The following ATP10D variants were observed in gnomAD, a reference collection of about 807,000 sequenced individuals.
ATP10D encodes the protein ATPase phospholipid transporting 10D (putative).
A neutral mutation model predicts 144.8 loss-of-function variants in ATP10D; 89 were observed. The observed-to-expected ratio is 0.61, with a 90% CI of 0.52 to 0.73. ATP10D has a LOEUF of 0.73. Among genes scored for constraint, ATP10D ranks in the 30% least tolerant of loss-of-function variants. The pLI is 0.00. For synonymous variants in ATP10D, 571 were observed against 615.1 expected, an observed-to-expected ratio of 0.93 and a Z score of 1.06; for missense variants, 1,603 against 1,714.8, an observed-to-expected ratio of 0.93 and a Z score of 1.15.
intron 22 of ATP10D, among the ~76,000 whole-genome samples, chr4:47,588,189 T>C (rs1020529848): frequency 1.3e-5 from 2 of 152,186 alleles, no homozygotes; most frequent in Admixed American, 6.5e-5. Flanking sequence ...ATCTGATTTA[T>C]AGTATTGTAT....
At position 47,569,043 on chromosome 4, in the gene ATP10D, A is replaced by G; in HGVS notation, c.3060A>G (p.Thr1020=). The change falls in exon 16 of 23, where the codon ACA becomes ACG. Residue 1020 remains threonine, a synonymous_variant. Transcript: ENST00000273859. ...TGCAAAAGCAGTTCCTGGAACTGAC[A>G]TCTTGGTGTCAAGCTGTGGTCTGCT... ...ESLQKQFLEL[T]SWCQAVVCCR... is the part of the protein sequence containing the mutation. 1 of 1,614,224 alleles carries G rather than the reference A, an allele frequency of 6.2e-7. No homozygotes were observed. The highest frequency in any genetic ancestry group is 8.5e-7 in the Non-Finnish European group (1 of 1,180,028).
rs765924864 is a variant in ATP10D at position 47,559,007 on chromosome 4, G to A, written c.2519G>A (p.Arg840His). 2.1e-5 allele frequency: 34 copies of A among 1,613,978 alleles called. No homozygotes were observed. Among genetic ancestry groups the A allele is most frequent in the Middle Eastern group, 3.3e-4 (2 of 6,054 alleles). The change falls in exon 13 of 23, where the codon CGT (arginine) becomes CAT (histidine). Residue 840 changes from arginine (R) to histidine (H), a missense_variant. Arg to His is a conservative substitution (Grantham distance 29). Transcript: ENST00000273859. Reference protein sequence around the residue: ...HLDDYAKQGLRTLCIAKKVMS... With the variant: ...HLDDYAKQGLHTLCIAKKVMS... The stretch of plus-strand genomic sequence containing the variant: ...GATGACTATGCCAAACAAGGCCTTC[G>A]TACTTTATGTATAGCAAAGAAGGTG...
intron 3 of ATP10D, among the ~76,000 whole-genome samples, chr4:47,518,521 A>G (rs1716795517): frequency 6.6e-6 from 1 of 152,034 alleles, no homozygotes; most frequent in South Asian, 2.1e-4. Context: ...TGAGAGACTT[A>G]GAGGATTTAA....
chr4:47,512,458 G>T, intron 1 of ATP10D, 46 bp from the exon 2 acceptor site: 2 of 1,253,918 alleles, frequency 1.6e-6, no homozygotes, highest in Non-Finnish European at 1.1e-6. Flanking sequence ...CTATCTTTGA[G>T]ACGTTTCAGA....
chr4:47,554,629 C>A, intron 10 of ATP10D, 97 bp from the exon 11 acceptor site: 1 of 946,488 alleles, frequency 1.1e-6, no homozygotes, highest in Non-Finnish European at 1.5e-6. Context: ...TCTCATGATT[C>A]ATTTAGATCC....
At position 47,557,682 on chromosome 4, in the gene ATP10D, G is replaced by A. The variant is rs374331628; in HGVS notation, c.1843G>A (p.Gly615Arg). Reference protein sequence around the residue: ...PRQKIRHPSLGGLPIKSLEEI... With the variant: ...PRQKIRHPSLRGLPIKSLEEI... ...TTCATAGATCAGACACCCTTCACTG[G>A]GGGGGTTGCCCATTAAGTCTTTGGA... is the stretch of plus-strand genomic sequence containing the variant. The change falls in exon 12 of 23, where the codon GGG becomes AGG. Residue 615 changes from glycine (G) to arginine (R), a missense_variant. By Grantham distance (125) the Gly-to-Arg change is moderately radical. Transcript: ENST00000273859. 5.6e-6 allele frequency: 9 copies of A among 1,609,616 alleles called. No homozygotes were observed. In the African/African-American group the frequency reaches 8.0e-5, roughly 14 times the overall value.
At chr4:47,580,618 C>G in intron 20 of ATP10D, 140 bp downstream of exon 20, 1 of 741,878 alleles carries the variant, frequency 1.3e-6, no homozygotes, top group Non-Finnish European at 2.3e-6. Flanking sequence ...TTATAATCTC[C>G]CCAAAAATAT....
At chr4:47,579,528 G>T (rs1236680396) in intron 19 of ATP10D, among the ~76,000 whole-genome samples, 2 of 152,296 alleles carry the variant, frequency 1.3e-5, no homozygotes, top group Admixed American at 1.3e-4. Context: ...TGATATTTGA[G>T]CTAGGATACA....
In ATP10D at chr4:47,554,883, T is replaced by A; in HGVS notation, c.1793T>A (p.Val598Glu). 1 of 1,614,150 alleles carries A rather than the reference T, an allele frequency of 6.2e-7. No homozygotes were observed. ...FIALAICNTVVVSAPNQPRQK... is the reference protein window; with the variant it reads ...FIALAICNTVEVSAPNQPRQK... ...GCATTGGCAATTTGCAACACAGTAG[T>A]GGTTTCTGCTCCTAACCAACCCCGA... Residue 598 changes from valine to glutamate, a missense_variant, in exon 11 of 23, where the codon GTG (valine) becomes GAG (glutamate). By Grantham distance (121) the Val-to-Glu change is moderately radical. Coordinates refer to ENST00000273859, the MANE Select transcript of ATP10D (RefSeq NM_020453.4).
chr4:47,503,331 A>G (rs547243950), intron 1 of ATP10D, among the ~76,000 whole-genome samples: 1 of 152,360 alleles, frequency 6.6e-6, no homozygotes, highest in South Asian at 2.1e-4. Flanking sequence ...CCCAACGTCA[A>G]CCACAGTGTC....
Position 47,546,858 on chromosome 4 carries a change from C to T in ATP10D, c.1631C>T (p.Pro544Leu). 6.2e-7 allele frequency: 1 copy of T among 1,610,636 alleles called. No individual in the cohort carries two copies. Among genetic ancestry groups the T allele is most frequent in the Non-Finnish European group, 8.5e-7 (1 of 1,178,224 alleles). The change falls in exon 10 of 23, where the codon CCC becomes CTC. Residue 544 changes from proline to leucine, a missense_variant. By Grantham distance (98) the Pro-to-Leu change is moderately conservative. Transcript: ENST00000273859. ...TCCAGACAGGCTGCTTTCAGTAGCCCCATTGTAAGTATGAATGCATGACTA... is the reference window on the plus strand; with the variant it reads ...TCCAGACAGGCTGCTTTCAGTAGCCTCATTGTAAGTATGAATGCATGACTA... ...PHSRQAAFSS[P>L]IETDVVPDTR...
In ATP10D at chr4:47,558,186, GT is replaced by G; in HGVS notation, c.2348del (p.Val783AlafsTer19). 2 of 1,614,164 alleles carry G rather than the reference GT, an allele frequency of 1.2e-6. No homozygotes were observed. Among genetic ancestry groups the G allele is most frequent in the Non-Finnish European group, 8.5e-7 (1 of 1,180,042 alleles). The stretch of plus-strand genomic sequence containing the variant: ...AGTAAGAAAAAGAATGTCTGTTGTG[GT>G]CCGACACCCTCTTTCCAATCAAGTT... ...DSVRKRMSVV[V>X]RHPLSNQVVV... On this transcript the variant is annotated frameshift_variant, in exon 12 of 23. Coordinates refer to ENST00000273859, the MANE Select transcript of ATP10D (RefSeq NM_020453.4). LOFTEE classifies it high-confidence loss of function.
chr4:47,585,533 T>C (rs6855797), intron 21 of ATP10D, among the ~76,000 whole-genome samples: 19,479 of 152,106 alleles, frequency 0.13, 1,881 homozygotes, highest in African/African-American at 0.27. Context: ...TTAAAATATA[T>C]AATTATTATT....
chr4:47,546,422 AAAG>A (rs1718434829), intron 9 of ATP10D, among the ~76,000 whole-genome samples, 199 bp from the exon 10 acceptor site: 1 of 152,198 alleles, frequency 6.6e-6, no homozygotes, highest in Non-Finnish European at 1.5e-5. Context: ...GACGATGGAA[AAAG>A]AAGGGAATTT....
At chr4:47,509,267 GAAAT>G (rs1237291745) in intron 1 of ATP10D, among the ~76,000 whole-genome samples, 1 of 151,858 alleles carries the variant, frequency 6.6e-6, no homozygotes, top group Non-Finnish European at 1.5e-5. Context: ...AACATCCACT[GAAAT>G]AAAATAATTT....
At chr4:47,512,905 C>G in intron 2 of ATP10D, 75 bp downstream of exon 2, 1 of 1,357,484 alleles carries the variant, frequency 7.4e-7, no homozygotes, top group East Asian at 2.4e-5. Flanking sequence ...ATTTTCATAA[C>G]CCTGTATATT....
rs537256976 is a variant in ATP10D at position 47,499,263 on chromosome 4, C to T, written c.-37-13241C>T. 3.3e-5 allele frequency among the ~76,000 whole-genome samples: 5 copies of T among 152,292 alleles called. No homozygotes were observed. In the East Asian group the frequency reaches 7.7e-4, roughly 23 times the overall value. ...GGAGTTCACATAGGAATTCCCATCA[C>T]GTTGGTTTCAATGCCTGGAAAAGTA... On this transcript the variant is annotated intron_variant, in intron 1 of 22. Coordinates refer to ENST00000273859, the MANE Select transcript of ATP10D (RefSeq NM_020453.4).
chr4:47,516,243 CAA>C (rs34726660), intron 3 of ATP10D, among the ~76,000 whole-genome samples: 57 of 113,832 alleles, frequency 5.0e-4, no homozygotes, highest in Admixed American at 5.4e-4. Context: ...GACTCTATCT[CAA>C]AAAAAAAAAA....
At chr4:47,496,155 T>TC (rs1477419816) in intron 1 of ATP10D, among the ~76,000 whole-genome samples, 1 of 90,042 alleles carries the variant, frequency 1.1e-5, no homozygotes, top group Non-Finnish European at 2.4e-5. Flanking sequence ...CTTTCCTTTT[T>TC]CTTTTTTTTT....
Sources: allele counts gnomAD v4.1 joint callset (sites outside exome capture counted in the v4.1 genomes callset), GRCh38; gene constraint gnomAD v4.1.1; transcripts MANE v1.5; gene names NCBI Gene and HGNC (gene_info 2026-07-23, HGNC 2026-07-21).